Variants in AHCY observed in about 807,000 individuals in gnomAD.
AHCY encodes S-adenosyl-L-homocysteine hydrolase.
Under a neutral mutation model 45.4 loss-of-function variants are expected in AHCY, and 24 were observed. That is an observed-to-expected ratio of 0.53 (90% CI 0.38 to 0.74). The LOEUF is 0.74. Ranked by LOEUF, AHCY falls within the 30% of genes least tolerant of loss-of-function variation. The pLI is 0.00. For synonymous variants in AHCY, 245 were observed against 235.1 expected, an observed-to-expected ratio of 1.04 and a Z score of -0.39; for missense variants, 449 against 594.1, an observed-to-expected ratio of 0.76 and a Z score of 2.54.
the AHCY span, among the ~76,000 whole-genome samples, chr20:34,268,455 C>T: frequency 6.6e-6 from 1 of 152,114 alleles, no homozygotes; most frequent in Non-Finnish European, 1.5e-5. Flanking sequence ...CGGTGGCTCA[C>T]GCCTGTAATG....
At chr20:34,235,544 T>A in the AHCY span, among the ~76,000 whole-genome samples, 3 of 152,136 alleles carry the variant, frequency 2.0e-5, no homozygotes, top group African/African-American at 7.2e-5. Context: ...ATGACCTAGA[T>A]TGAAGACCAG....
At chr20:34,268,746 A>AAAAC in the AHCY span, among the ~76,000 whole-genome samples, 1 of 148,082 alleles carries the variant, frequency 6.8e-6, no homozygotes, top group African/African-American at 2.5e-5. Flanking sequence ...AAAAAAACAA[A>AAAAC]AAACAAACAA....
chr20:34,306,079 C>CAAAAAAAAAAAAAAA (rs56039506), upstream of AHCY, among the ~76,000 whole-genome samples: 2 of 103,104 alleles, frequency 1.9e-5, no homozygotes, highest in Non-Finnish European at 2.0e-5. Flanking sequence ...AAGACTGCCT[C>CAAAAAAAAAAAAAAA]AAAAAAAAAA....
At chr20:34,303,620 TC>T (rs2036856094), upstream of AHCY, among the ~76,000 whole-genome samples, 1 of 152,218 alleles carries the variant, frequency 6.6e-6, no homozygotes, top group Admixed American at 6.5e-5. Flanking sequence ...GAACTGAAAT[TC>T]CGCCAGTTCA....
At chr20:34,253,951 T>C in the AHCY span, among the ~76,000 whole-genome samples, 137 of 152,330 alleles carry the variant, frequency 9.0e-4, no homozygotes, top group Non-Finnish European at 1.5e-3. Context: ...ATCAGAGATA[T>C]CACACATCAA....
chr20:34,303,294 CGGGCGAAG>C lies in AHCY; in HGVS notation c.-32_-25del, dbSNP rs1163381479. 1.9e-6 allele frequency: 3 copies of C among 1,551,650 alleles called. No homozygotes were observed. Among genetic ancestry groups the C allele is most frequent in the Non-Finnish European group, 2.6e-6 (3 of 1,147,012 alleles). ...ATGCTGGCGGCACTCGTGATGGAAA[CGGGCGAAG>C]GGGGCTGGGCCTCAGTCTGGGAACA... On this transcript the variant is annotated 5_prime_UTR_variant, in exon 1 of 10. Coordinates refer to ENST00000217426, the MANE Select transcript of AHCY (RefSeq NM_000687.4).
the AHCY span, among the ~76,000 whole-genome samples, chr20:34,275,131 CTTT>C: frequency 2.0e-4 from 20 of 99,436 alleles, no homozygotes; most frequent in African/African-American, 3.4e-4. Flanking sequence ...TCTCTATTTT[CTTT>C]TTTTTTTTTT....
At chr20:34,253,105 CTTTTTTTTTTA>C in the AHCY span, among the ~76,000 whole-genome samples, 1 of 149,420 alleles carries the variant, frequency 6.7e-6, no homozygotes, top group Admixed American at 6.7e-5. Context: ...ATCTCTCTTT[CTTTTTTTTTTA>C]TTTTTTTTTT....
intron 3 of AHCY, 171 bp downstream of exon 3, chr20:34,293,910 G>T: frequency 1.4e-6 from 1 of 716,832 alleles, no homozygotes. Flanking sequence ...GATTTTAGAT[G>T]ATGATGGGAC....
At chr20:34,303,016 G>C in intron 1 of AHCY, 3 of 985,454 alleles carry the variant, frequency 3.0e-6, no homozygotes, top group Non-Finnish European at 3.6e-6. Context: ...CGGCGGCCCC[G>C]GCGTCGCGGG....
chr20:34,270,842 G>C, the AHCY span, among the ~76,000 whole-genome samples: 1 of 152,156 alleles, frequency 6.6e-6, no homozygotes, highest in Admixed American at 6.5e-5. Flanking sequence ...TTTTTCTTTA[G>C]AGATGGGGTC....
chr20:34,288,366 T>C (rs1439700271), intron 8 of AHCY, among the ~76,000 whole-genome samples: 1 of 152,156 alleles, frequency 6.6e-6, no homozygotes, highest in African/African-American at 2.4e-5. Context: ...GAACCTCACA[T>C]AGGTGGGCTT....
downstream of AHCY, among the ~76,000 whole-genome samples, chr20:34,278,386 G>A (rs868431086): frequency 4.6e-5 from 7 of 152,190 alleles, no homozygotes; most frequent in South Asian, 4.1e-4. Context: ...GAGGAGACAC[G>A]CTAGAGGGAA....
chr20:34,284,649 C>T (rs979763690), intron 9 of AHCY, among the ~76,000 whole-genome samples: 15 of 151,970 alleles, frequency 9.9e-5, no homozygotes, highest in Admixed American at 2.6e-4. Flanking sequence ...GGCAAAACCC[C>T]GTCTCTACTA....
the AHCY span, chr20:34,260,319 A>AT: frequency 6.4e-7 from 1 of 1,563,510 alleles, no homozygotes; most frequent in Non-Finnish European, 8.7e-7. Context: ...GCCTCTTACC[A>AT]TTACCCCTGA....
At chr20:34,248,723 C>T in the AHCY span, among the ~76,000 whole-genome samples, 930 of 151,944 alleles carry the variant, frequency 6.1e-3, 4 homozygotes, top group Middle Eastern at 0.017. Context: ...TTGCTTGAGC[C>T]CAGGAGGTCA....
the AHCY span, among the ~76,000 whole-genome samples, chr20:34,247,394 G>A: frequency 1.4e-5 from 2 of 147,344 alleles, no homozygotes; most frequent in African/African-American, 5.0e-5. Flanking sequence ...TCCGCCTCCC[G>A]GGTTCAAGCG....
chr20:34,300,650 G>GCAC (rs1215738394), intron 1 of AHCY, among the ~76,000 whole-genome samples: 1 of 152,258 alleles, frequency 6.6e-6, no homozygotes, highest in Admixed American at 6.5e-5. Context: ...AACCAAGAGT[G>GCAC]CACCAGGGTG....
chr20:34,250,908 C>T, the AHCY span, among the ~76,000 whole-genome samples: 2 of 152,082 alleles, frequency 1.3e-5, no homozygotes, highest in Non-Finnish European at 2.9e-5. Flanking sequence ...AAGGGGATGC[C>T]TTCAGTGCAC....
Sources: allele counts gnomAD v4.1 joint callset (sites outside exome capture counted in the v4.1 genomes callset), GRCh38; gene constraint gnomAD v4.1.1; transcripts MANE v1.5; gene names NCBI Gene and HGNC (gene_info 2026-07-23, HGNC 2026-07-21).